SLC38A9: variants seen among roughly 807,000 people sequenced by gnomAD.
The protein encoded by SLC38A9 is solute carrier family 38 member 9, also known as neutral amino acid transporter 9.
Under a neutral mutation model 62.3 loss-of-function variants are expected in SLC38A9, and 48 were observed. That is an observed-to-expected ratio of 0.77 (90% CI 0.61 to 0.98). The LOEUF (loss-of-function observed/expected upper bound fraction) is 0.98. Ranked by LOEUF, SLC38A9 falls within the 50% of genes least tolerant of loss-of-function variation. The pLI is 0.00. For missense variants in SLC38A9, 541 were observed against 679.8 expected, an observed-to-expected ratio of 0.80 and a Z score of 2.27; for synonymous variants, 204 against 227.7, an observed-to-expected ratio of 0.90 and a Z score of 0.94.
chr5:55,707,115 T>G (rs1311744964), intron 2 of SLC38A9, among the ~76,000 whole-genome samples: 1 of 151,924 alleles, frequency 6.6e-6, no homozygotes, highest in Non-Finnish European at 1.5e-5. Flanking sequence ...CAGCCTGGCC[T>G]CAAGTAATCT....
chr5:55,632,136 T>C (rs1182514612), intron 14 of SLC38A9, among the ~76,000 whole-genome samples: 2 of 152,180 alleles, frequency 1.3e-5, no homozygotes, highest in Admixed American at 6.5e-5. Context: ...TGATCATTTA[T>C]GTAAAATTGC....
At chr5:55,647,852 T>C (rs1746664377) in intron 11 of SLC38A9, among the ~76,000 whole-genome samples, 1 of 152,210 alleles carries the variant, frequency 6.6e-6, no homozygotes, top group African/African-American at 2.4e-5. Context: ...GTACAACTAG[T>C]TTTTAACTGA....
intron 14 of SLC38A9, 109 bp downstream of exon 14, chr5:55,633,644 CT>C (rs768420631): frequency 1.9e-5 from 28 of 1,464,224 alleles, no homozygotes; most frequent in Non-Finnish European, 2.6e-5. Context: ...TTAGTCACCA[CT>C]TGCATTAGGC....
At chr5:55,635,419 A>G (rs1744197186) in intron 13 of SLC38A9, 125 bp downstream of exon 13, 4 of 734,350 alleles carry the variant, frequency 5.4e-6, no homozygotes, top group Non-Finnish European at 9.9e-6. Context: ...TACTTGGAGT[A>G]GATAGCAGAG....
At chr5:55,680,340 TCC>T (rs1366657333) in intron 3 of SLC38A9, among the ~76,000 whole-genome samples, 1 of 152,244 alleles carries the variant, frequency 6.6e-6, no homozygotes, top group African/African-American at 2.4e-5. Context: ...CTTGTTCCTT[TCC>T]CATATCTTAA....
chr5:55,677,638 C>A (rs1752299034), intron 3 of SLC38A9, among the ~76,000 whole-genome samples: 1 of 152,090 alleles, frequency 6.6e-6, no homozygotes, highest in Non-Finnish European at 1.5e-5. Flanking sequence ...CTCAAGTGAT[C>A]CTCTTGCCTC....
intron 7 of SLC38A9, 103 bp from the exon 8 acceptor site, chr5:55,664,966 T>C (rs1750222274): frequency 1.6e-6 from 1 of 624,096 alleles, no homozygotes; most frequent in Non-Finnish European, 2.6e-6. Context: ...CGAAAGATTA[T>C]GGGTATTCTA....
At chr5:55,702,173 C>T (rs940564870) in intron 2 of SLC38A9, among the ~76,000 whole-genome samples, 8 of 152,158 alleles carry the variant, frequency 5.3e-5, no homozygotes, top group Non-Finnish European at 1.0e-4. Context: ...ACAATTTAAT[C>T]TCCATGAGAC....
chr5:55,646,597 T>C (rs1228260862), intron 11 of SLC38A9, among the ~76,000 whole-genome samples: 7 of 152,174 alleles, frequency 4.6e-5, no homozygotes, highest in Admixed American at 3.3e-4. Flanking sequence ...AAAAACATAA[T>C]GTAAAAATAT....
At chr5:55,650,062 G>C (rs933672) in intron 10 of SLC38A9, among the ~76,000 whole-genome samples, 1 of 151,756 alleles carries the variant, frequency 6.6e-6, no homozygotes, top group African/African-American at 2.4e-5. Flanking sequence ...GATGGTAAGA[G>C]GGTAAAGAAA....
intron 3 of SLC38A9, among the ~76,000 whole-genome samples, chr5:55,678,505 T>C (rs1411363215): frequency 6.6e-6 from 1 of 152,042 alleles, no homozygotes; most frequent in Non-Finnish European, 1.5e-5. Flanking sequence ...GCTTAAAAAA[T>C]AGCATGGAAT....
intron 12 of SLC38A9, among the ~76,000 whole-genome samples, 191 bp downstream of exon 12, chr5:55,645,598 G>A (rs575635387): frequency 1.3e-5 from 2 of 152,288 alleles, no homozygotes; most frequent in South Asian, 4.1e-4. Context: ...AGGCCTACAA[G>A]GCCTGAAATA....
intron 3 of SLC38A9, among the ~76,000 whole-genome samples, chr5:55,691,684 G>GGAAA (rs1754768300): frequency 6.6e-6 from 1 of 152,148 alleles, no homozygotes; most frequent in East Asian, 1.9e-4. Flanking sequence ...CTCTTAGACT[G>GGAAA]GTACTTGCTA....
intron 3 of SLC38A9, chr5:55,693,067 T>C (rs765028856): frequency 6.5e-5 from 59 of 901,406 alleles, no homozygotes; most frequent in Non-Finnish European, 7.3e-5. Flanking sequence ...TGAAGACCCA[T>C]TGTGACTCAA....
chr5:55,648,496 T>C (rs1746790652), intron 11 of SLC38A9, among the ~76,000 whole-genome samples: 1 of 152,228 alleles, frequency 6.6e-6, no homozygotes, highest in Non-Finnish European at 1.5e-5. Flanking sequence ...CTGCTTACTT[T>C]ATTCCTTTGA....
At chr5:55,682,407 C>G (rs1243030772) in intron 3 of SLC38A9, among the ~76,000 whole-genome samples, 7 of 152,172 alleles carry the variant, frequency 4.6e-5, no homozygotes, top group African/African-American at 1.7e-4. Context: ...ATAGCATAGT[C>G]ACTCACAGGA....
chr5:55,696,905 G>A (rs1342701099), intron 3 of SLC38A9: 101 of 150,956 alleles, frequency 6.7e-4, no homozygotes, highest in African/African-American at 2.4e-3. Flanking sequence ...GGGCAGAGGC[G>A]CTCCTCACAT....
chr5:55,694,205 C>G (rs1026005118), intron 3 of SLC38A9: 2 of 134,494 alleles, frequency 1.5e-5, no homozygotes, highest in Admixed American at 1.5e-4. Flanking sequence ...GAGACCCTGT[C>G]TCAAAAAAAA....
At chr5:55,707,126 T>G (rs1456689258) in intron 2 of SLC38A9, among the ~76,000 whole-genome samples, 2 of 151,882 alleles carry the variant, frequency 1.3e-5, no homozygotes, top group Non-Finnish European at 2.9e-5. Flanking sequence ...CAAGTAATCT[T>G]CTTGCCTCAG....
Sources: allele counts gnomAD v4.1 joint callset (sites outside exome capture counted in the v4.1 genomes callset), GRCh38; gene constraint gnomAD v4.1.1; transcripts MANE v1.5; gene names NCBI Gene and HGNC (gene_info 2026-07-23, HGNC 2026-07-21).